CHST11: variants seen among roughly 807,000 people sequenced by gnomAD.
CHST11 encodes C4S-1.
CHST11 carries 9 observed loss-of-function variants against 30.4 expected under a neutral mutation model. The ratio of observed to expected loss-of-function variants is 0.30; its 90% CI spans 0.18 to 0.52. CHST11 has a LOEUF of 0.52. CHST11 is among the 20% of genes least tolerant of loss of function. CHST11 has a pLI of 0.97. For missense variants in CHST11, 348 were observed against 460.6 expected (o/e 0.76, Z 2.24); for synonymous variants, 152 against 187.8 (o/e 0.81, Z 1.56).
At chr12:104,559,625 C>A (rs2038493085) in intron 1 of CHST11, among the ~76,000 whole-genome samples, 1 of 152,142 alleles carries the variant, frequency 6.6e-6, no homozygotes, top group Non-Finnish European at 1.5e-5. Flanking sequence ...CGCCTGTAAT[C>A]CCAGCTACTC....
At chr12:104,688,412 C>T (rs1395039757) in intron 2 of CHST11, among the ~76,000 whole-genome samples, 1 of 152,058 alleles carries the variant, frequency 6.6e-6, no homozygotes, top group Non-Finnish European at 1.5e-5. Context: ...AGTCCCTGAG[C>T]CAGTAGGTGG....
chr12:104,538,555 T>C (rs1565979242), intron 1 of CHST11, among the ~76,000 whole-genome samples: 1 of 152,214 alleles, frequency 6.6e-6, no homozygotes, highest in Non-Finnish European at 1.5e-5. Flanking sequence ...GAATATATAT[T>C]TTTTGAACTT....
intron 2 of CHST11, among the ~76,000 whole-genome samples, chr12:104,697,563 A>C (rs1425611407): frequency 6.6e-6 from 1 of 152,150 alleles, no homozygotes; most frequent in Non-Finnish European, 1.5e-5. Flanking sequence ...AGCCTCCATA[A>C]TCACACGAGT....
chr12:104,601,285 G>A (rs942241264), intron 1 of CHST11, among the ~76,000 whole-genome samples: 1 of 152,200 alleles, frequency 6.6e-6, no homozygotes, highest in Non-Finnish European at 1.5e-5. Context: ...GGTTTGAGGA[G>A]TTCACTTATT....
Position 104,616,260 on chromosome 12 carries a change from CA to C in CHST11, c.204+14275del, listed in dbSNP as rs1212245569. ...CACAGCTTTGGCTGTACTTTAGAAG[CA>C]AAAAAGGAAATTTAAAAAATTGCAA... On this transcript the variant is annotated intron_variant, in intron 2 of 2. Coordinates refer to ENST00000303694, the MANE Select transcript of CHST11 (RefSeq NM_018413.6). 2.0e-5 allele frequency among the ~76,000 whole-genome samples: 3 copies of C among 152,066 alleles called. No individual in the cohort carries two copies. In the South Asian group the frequency reaches 6.2e-4, roughly 32 times the overall value.
At chr12:104,578,910 CA>C (rs2136029945) in intron 1 of CHST11, among the ~76,000 whole-genome samples, 1 of 152,306 alleles carries the variant, frequency 6.6e-6, no homozygotes, top group East Asian at 1.9e-4. Flanking sequence ...GCAGTTGTCT[CA>C]GCTTCAAAGC....
In CHST11 at chr12:104,617,908, T is replaced by G. The variant is rs1036048099; in HGVS notation, c.204+15917T>G. ...AATACATATTTTTTTCTTTCCTTTT[T>G]CCTTTTTTTTTTTCCCTTGAGATAG... On this transcript the variant is annotated intron_variant, in intron 2 of 2. Transcript: ENST00000303694. Among the ~76,000 whole-genome samples the G allele has an allele frequency of 4.4e-4, 66 of 151,364 alleles. 1 individual carries two copies. The highest frequency in any genetic ancestry group is 5.9e-4 in the Admixed American group (9 of 15,266).
intron 2 of CHST11, among the ~76,000 whole-genome samples, chr12:104,681,025 G>A (rs367865432): frequency 6.6e-6 from 1 of 152,212 alleles, no homozygotes; most frequent in South Asian, 2.1e-4. Flanking sequence ...GATGAATTGA[G>A]ATAATAAATG....
chr12:104,666,829 C>T (rs1408671292), intron 2 of CHST11, among the ~76,000 whole-genome samples: 3 of 151,874 alleles, frequency 2.0e-5, no homozygotes, highest in Non-Finnish European at 4.4e-5. Flanking sequence ...CTTTTTTCAC[C>T]GTTCTACAGT....
chr12:104,532,719 C>A (rs2038196863), intron 1 of CHST11, among the ~76,000 whole-genome samples: 1 of 152,136 alleles, frequency 6.6e-6, no homozygotes, highest in African/African-American at 2.4e-5. Context: ...GTGTGCCAGC[C>A]ATTGATGAGA....
Position 104,600,367 on chromosome 12 carries a change from T to A in CHST11, c.119-1539T>A, listed in dbSNP as rs759528173. ...GAGCTGCACCCTGCTTGAGGTCTGG[T>A]CACTCCTCATCAGTCCCCTTGATAG... On this transcript the variant is annotated intron_variant, in intron 1 of 2. Coordinates refer to ENST00000303694, the MANE Select transcript of CHST11 (RefSeq NM_018413.6). This position sits in a 1 kb window ranked among gnomAD's most constrained non-coding sequence, Gnocchi z 4.1. Among the ~76,000 whole-genome samples, 1 of 152,160 alleles carries A rather than the reference T, an allele frequency of 6.6e-6. No homozygotes were observed. Among genetic ancestry groups the A allele is most frequent in the Non-Finnish European group, 1.5e-5 (1 of 68,014 alleles).
rs1268940905 is a variant in CHST11, at chr12:104,601,903, C to T, written c.119-3C>T. On this transcript the variant is annotated splice_region_variant and splice_polypyrimidine_tract_variant and intron_variant, in intron 1 of 2. Coordinates refer to ENST00000303694, the MANE Select transcript of CHST11 (RefSeq NM_018413.6). ...CTGATGAGCCTTCACTTTCTTTCCT[C>T]AGTCATGCGGAGGAATCCCTTTGGT... is the stretch of plus-strand genomic sequence containing the variant. 2 of 1,610,788 alleles carry T rather than the reference C, an allele frequency of 1.2e-6. No homozygotes were observed. The highest frequency in any genetic ancestry group is 2.2e-5 in the East Asian group (1 of 44,870).
intron 2 of CHST11, among the ~76,000 whole-genome samples, chr12:104,605,585 AT>A: frequency 6.6e-6 from 1 of 152,310 alleles, no homozygotes; most frequent in Non-Finnish European, 1.5e-5. Flanking sequence ...TCTCAAAAAA[AT>A]AAAAAATAAA....
chr12:104,715,684 C>G (rs2040124880), intron 2 of CHST11, among the ~76,000 whole-genome samples: 1 of 152,162 alleles, frequency 6.6e-6, no homozygotes, highest in Non-Finnish European at 1.5e-5. Context: ...GCTGCCCTAA[C>G]TCCCAGGAGG....
intron 2 of CHST11, among the ~76,000 whole-genome samples, chr12:104,680,862 G>A (rs1347771408): frequency 6.6e-6 from 1 of 152,260 alleles, no homozygotes; most frequent in East Asian, 1.9e-4. Context: ...GGGTTCAGGT[G>A]AAGAAGGCAT....
chr12:104,694,584 G>T (rs117839978), intron 2 of CHST11, among the ~76,000 whole-genome samples: 5,129 of 152,282 alleles, frequency 0.034, 105 homozygotes, highest in Middle Eastern at 0.075. Context: ...GAGGGAATGA[G>T]TTTAACGAAG....
intron 2 of CHST11, among the ~76,000 whole-genome samples, chr12:104,731,882 C>T (rs1048269705): frequency 8.5e-5 from 13 of 152,266 alleles, no homozygotes; most frequent in African/African-American, 2.4e-4. Flanking sequence ...TAATCCCCAA[C>T]GTACTGGGCA....
At chr12:104,753,486 T>C (rs536047043) in intron 2 of CHST11, among the ~76,000 whole-genome samples, 40 of 152,384 alleles carry the variant, frequency 2.6e-4, no homozygotes, top group African/African-American at 9.1e-4. Context: ...CTTTTGATAT[T>C]TCTTGGCATA....
intron 2 of CHST11, among the ~76,000 whole-genome samples, chr12:104,742,719 C>A (rs1207231060): frequency 2.0e-5 from 3 of 152,316 alleles, no homozygotes; most frequent in Non-Finnish European, 2.9e-5. Context: ...TGAAAGGGAG[C>A]CCCGGGGGTA....
Sources: allele counts gnomAD v4.1 joint callset (sites outside exome capture counted in the v4.1 genomes callset), GRCh38; gene constraint gnomAD v4.1.1; non-coding constraint Gnocchi (gnomAD v3.1); transcripts MANE v1.5; gene names NCBI Gene and HGNC (gene_info 2026-07-23, HGNC 2026-07-21).